The following SAMD12 variants were observed in gnomAD, a reference collection of about 807,000 sequenced individuals.
SAMD12 encodes the protein sterile alpha motif domain containing 12.
Under a neutral mutation model 15.0 loss-of-function variants are expected in SAMD12, and 9 were observed. The ratio of observed to expected loss-of-function variants is 0.60; its 90% CI spans 0.36 to 1.05. The LOEUF is 1.05. Ranked by LOEUF, SAMD12 falls within the 50% of genes least tolerant of loss-of-function variation. The pLI, the probability that SAMD12 is intolerant of heterozygous loss-of-function variation, is 0.01. For synonymous variants in SAMD12, 86 were observed against 90.1 expected (o/e 0.96, Z 0.25); for missense variants, 230 against 234.2 (o/e 0.98, Z 0.12).
At position 118,576,097 on chromosome 8, in the gene SAMD12, AG is replaced by A. The variant is rs536034338; in HGVS notation, c.192+4617del. Among the ~76,000 whole-genome samples, 417 of 152,226 alleles carry A rather than the reference AG, an allele frequency of 2.7e-3. 8 individuals carry two copies. The highest frequency in any genetic ancestry group is 2.6e-3 in the Non-Finnish European group (175 of 68,014). The stretch of plus-strand genomic sequence containing the variant: ...TTTTTCATCTTATTCCTATACCCAG[AG>A]AACTTCAATGGTTTCCCACAGATTA... On this transcript the variant is annotated intron_variant, in intron 2 of 3. Coordinates refer to ENST00000314727, the MANE Select transcript of SAMD12 (RefSeq NM_207506.3).
At chr8:118,558,073 C>A (rs909682998) in intron 2 of SAMD12, among the ~76,000 whole-genome samples, 11 of 152,138 alleles carry the variant, frequency 7.2e-5, no homozygotes, top group Non-Finnish European at 1.6e-4. Flanking sequence ...ACAAATAATT[C>A]TACAATTAAC....
At chr8:118,552,260 T>C (rs1408199685) in intron 2 of SAMD12, among the ~76,000 whole-genome samples, 1 of 152,152 alleles carries the variant, frequency 6.6e-6, no homozygotes, top group Admixed American at 6.5e-5. Flanking sequence ...TTGATGAACA[T>C]TGATGCAAAA....
intron 3 of SAMD12, among the ~76,000 whole-genome samples, chr8:118,386,295 G>T (rs537054772): frequency 3.9e-5 from 6 of 152,244 alleles, no homozygotes; most frequent in Non-Finnish European, 2.9e-5. Context: ...TCTGCCAGCT[G>T]CCAGTACCCC....
Position 118,434,822 on chromosome 8 carries a change from C to T in SAMD12, c.322+5010G>A, listed in dbSNP as rs905922423. Among the ~76,000 whole-genome samples, 4 of 25,556 alleles carry T rather than the reference C, an allele frequency of 1.6e-4. 1 individual carries two copies. Among genetic ancestry groups the T allele is most frequent in the Non-Finnish European group, 2.6e-4 (2 of 7,768 alleles). 16.8% of individuals were successfully genotyped at this position (25,556 alleles called of 152,430 possible). The stretch of plus-strand genomic sequence containing the variant: ...ATTCTTTTTAAAGTGTGCTTCTGGC[C>T]GGGCGCGGTGGCTCACGCCTGTAAT... On this transcript the variant is annotated intron_variant, in intron 3 of 3. Coordinates refer to ENST00000314727, the MANE Select transcript of SAMD12 (RefSeq NM_207506.3).
intron 2 of SAMD12, among the ~76,000 whole-genome samples, chr8:118,452,406 G>C (rs1454043446): frequency 6.6e-6 from 1 of 152,030 alleles, no homozygotes; most frequent in East Asian, 1.9e-4. Flanking sequence ...AATTATAATA[G>C]ATTTTTTACT....
chr8:118,147,563 T>C, the SAMD12 span, among the ~76,000 whole-genome samples: 3 of 152,096 alleles, frequency 2.0e-5, no homozygotes, highest in Non-Finnish European at 4.4e-5. Flanking sequence ...GGCTTCACCA[T>C]GTTGGTCAGG....
chr8:118,444,699 G>T (rs887730465), intron 2 of SAMD12, among the ~76,000 whole-genome samples: 2 of 152,096 alleles, frequency 1.3e-5, no homozygotes, highest in African/African-American at 4.8e-5. Flanking sequence ...CTAAGTAACA[G>T]AATAATTAAA....
chr8:118,368,536 G>C (rs1238083135), intron 4 of SAMD12, among the ~76,000 whole-genome samples: 1 of 152,020 alleles, frequency 6.6e-6, no homozygotes, highest in African/African-American at 2.4e-5. Flanking sequence ...TTACTTGATG[G>C]GTCAATAGAA....
In SAMD12 at chr8:118,477,841, G is replaced by A. The variant is rs190407661; in HGVS notation, c.193-37880C>T. Among the ~76,000 whole-genome samples, 10 of 151,736 alleles carry A rather than the reference G, an allele frequency of 6.6e-5. 1 individual carries two copies. The highest frequency in any genetic ancestry group is 1.9e-4 in the African/African-American group (8 of 41,392). On this transcript the variant is annotated intron_variant, in intron 2 of 3. Transcript: ENST00000314727. ...ATCCTGGCTAACACGGTGAAACCCC[G>A]TCTCTACTAAAAATACAAAAAAAAT...
intron 1 of SAMD12, among the ~76,000 whole-genome samples, chr8:118,607,055 A>C (rs1244049616): frequency 2.6e-5 from 4 of 152,126 alleles, no homozygotes; most frequent in Non-Finnish European, 5.9e-5. Context: ...TCATGTTCTG[A>C]AAATTATATC....
At chr8:118,508,356 T>C (rs1586773126) in intron 2 of SAMD12, among the ~76,000 whole-genome samples, 1 of 152,138 alleles carries the variant, frequency 6.6e-6, no homozygotes, top group South Asian at 2.1e-4. Context: ...GTTGTGCACA[T>C]GTACCCTAGA....
intron 3 of SAMD12, among the ~76,000 whole-genome samples, chr8:118,401,104 A>G (rs1478039722): frequency 1.3e-5 from 2 of 152,210 alleles, no homozygotes; most frequent in African/African-American, 4.8e-5. Flanking sequence ...TTGAATATCA[A>G]ATTTTATTTG....
chr8:118,353,716 C>T (rs571906883), intron 4 of SAMD12, among the ~76,000 whole-genome samples: 62 of 151,818 alleles, frequency 4.1e-4, no homozygotes, highest in Non-Finnish European at 7.8e-4. Context: ...ATTTCCTTTC[C>T]CCACCCCTCC....
At chr8:118,486,703 GT>G (rs1463789655) in intron 2 of SAMD12, among the ~76,000 whole-genome samples, 1 of 146,796 alleles carries the variant, frequency 6.8e-6, no homozygotes, top group East Asian at 2.1e-4. Flanking sequence ...AACAGAATTT[GT>G]GGTAATTTGC....
intron 4 of SAMD12, among the ~76,000 whole-genome samples, chr8:118,244,172 G>A (rs1812635358): frequency 6.6e-6 from 1 of 152,088 alleles, no homozygotes; most frequent in Non-Finnish European, 1.5e-5. Context: ...AGTACATACT[G>A]CGCATATATA....
At chr8:118,335,093 T>C (rs1028709308) in intron 4 of SAMD12, among the ~76,000 whole-genome samples, 1 of 152,196 alleles carries the variant, frequency 6.6e-6, no homozygotes, top group Non-Finnish European at 1.5e-5. Flanking sequence ...TTGAAGGTCT[T>C]TGCATCACAC....
intron 1 of SAMD12, among the ~76,000 whole-genome samples, chr8:118,596,679 G>A (rs1248691625): frequency 2.0e-5 from 3 of 152,240 alleles, no homozygotes; most frequent in South Asian, 2.1e-4. Context: ...ACCTTTCTAG[G>A]TTGTCTTCTT....
rs546947574 is a variant in SAMD12, at chr8:118,253,690, G to C, written c.434-55958C>G. 4.6e-5 allele frequency among the ~76,000 whole-genome samples: 7 copies of C among 152,286 alleles called. No individual in the cohort carries two copies. In the South Asian group the frequency reaches 1.4e-3, roughly 32 times the overall value. ...ATCTCTGAAGTTTAGTGTGTGTTCA[G>C]TTAGTTGCATAAATGTGAGTTAACC... On this transcript the variant is annotated intron_variant, in intron 4 of 4. Transcript: ENST00000409003.
chr8:118,527,783 A>T (rs903185306), intron 2 of SAMD12, among the ~76,000 whole-genome samples: 1 of 152,144 alleles, frequency 6.6e-6, no homozygotes, highest in Non-Finnish European at 1.5e-5. Flanking sequence ...TTAATTAGGG[A>T]TATCTGCTGA....
Sources: gnomAD v4.1 joint callset for allele counts (sites outside exome capture counted in the v4.1 genomes callset) on GRCh38, gnomAD v4.1.1 for gene constraint, MANE v1.5 for transcripts, NCBI Gene and HGNC (gene_info 2026-07-23, HGNC 2026-07-21) for gene names.